SMARCAD1: variants seen among roughly 807,000 people sequenced by gnomAD.
SMARCAD1 encodes the protein SNF2 related chromatin remodeling ATPase with DExD box 1.
Under a neutral mutation model 127.1 loss-of-function variants are expected in SMARCAD1, and 25 were observed. That is an observed-to-expected ratio of 0.20 (90% confidence interval 0.14 to 0.27). The LOEUF is 0.27. Ranked by LOEUF, SMARCAD1 falls within the 10% of genes least tolerant of loss-of-function variation. SMARCAD1 has a pLI of 1.00. For synonymous variants in SMARCAD1, 400 were observed against 396.9 expected (o/e 1.01, Z -0.09); for missense variants, 807 against 1,206.0 (o/e 0.67, Z 4.90).
At chr4:94,282,259 G>A (rs1451164072) in intron 21 of SMARCAD1, among the ~76,000 whole-genome samples, 104 of 127,208 alleles carry the variant, frequency 8.2e-4, no homozygotes, top group South Asian at 1.4e-3. Flanking sequence ...ACCACGCCCG[G>A]CTAATTTTTT....
At chr4:94,275,860 G>A (rs1429421456) in intron 14 of SMARCAD1, among the ~76,000 whole-genome samples, 4 of 143,760 alleles carry the variant, frequency 2.8e-5, no homozygotes, top group African/African-American at 7.8e-5. Context: ...GCAGTGGCGC[G>A]ATCTCAGCTT....
intron 16 of SMARCAD1, 62 bp from the exon 17 acceptor site, chr4:94,278,360 T>C (rs1579334920): frequency 7.4e-7 from 1 of 1,356,070 alleles, no homozygotes; most frequent in East Asian, 2.3e-5. Context: ...TGTGTAATAA[T>C]ACTGTTATTG....
chr4:94,261,766 C>T (rs183350485), intron 9 of SMARCAD1, among the ~76,000 whole-genome samples: 8 of 152,182 alleles, frequency 5.3e-5, no homozygotes, highest in Middle Eastern at 3.4e-3. Context: ...CGTGCCACCA[C>T]ACCGGCTAAT....
intron 12 of SMARCAD1, 60 bp downstream of exon 12, chr4:94,273,776 A>T (rs1202367478): frequency 8.4e-6 from 11 of 1,316,768 alleles, no homozygotes; most frequent in Admixed American, 1.8e-5. Context: ...GGTAGAAGAG[A>T]GTGTGTGTAA....
At chr4:94,252,549 TA>T in intron 8 of SMARCAD1, 66 bp from the exon 9 acceptor site, 1 of 1,145,614 alleles carries the variant, frequency 8.7e-7, no homozygotes, top group Non-Finnish European at 1.2e-6. Flanking sequence ...TTTAAGTTTT[TA>T]TTTGAAGTCT....
intron 23 of SMARCAD1, among the ~76,000 whole-genome samples, chr4:94,287,892 C>T (rs1755171803): frequency 6.6e-6 from 1 of 151,892 alleles, no homozygotes; most frequent in African/African-American, 2.4e-5. Flanking sequence ...GTGGTTCATG[C>T]TTATAATGCC....
rs2664891 is a variant in SMARCAD1 at position 94,233,988 on chromosome 4, C to T, written c.403C>T (p.Leu135Phe). The T allele has an allele frequency of 1.1e-5, 18 of 1,613,730 alleles. No individual in the cohort carries two copies. In the African/African-American group the frequency reaches 2.1e-4, roughly 19 times the overall value. Residue 135 changes from leucine to phenylalanine, a missense_variant, in exon 4 of 24, where the codon CTT (leucine) becomes TTT (phenylalanine). By Grantham distance (22) the Leu-to-Phe change is conservative. This residue lies in a region of SMARCAD1 where 175 missense variants were observed against 169.5 expected (regional missense o/e 1.03). Coordinates refer to ENST00000354268, the MANE Select transcript of SMARCAD1 (RefSeq NM_020159.5). ...ATCTGAAGATGAAGAGTCCCAAGGC[C>T]TTCCTACCATGGCACGTAGAAATGA... is the stretch of plus-strand genomic sequence containing the variant. ...EPSEDEESQG[L>F]PTMARRNDDI... is the part of the protein sequence containing the mutation.
intron 22 of SMARCAD1, among the ~76,000 whole-genome samples, chr4:94,283,757 A>C (rs568482298): frequency 1.3e-5 from 2 of 151,498 alleles, no homozygotes; most frequent in African/African-American, 4.9e-5. Flanking sequence ...CCTGGGAGGC[A>C]GAGCTTGCAG....
chr4:94,215,494 A>T (rs577675293), intron 2 of SMARCAD1, among the ~76,000 whole-genome samples: 1 of 151,970 alleles, frequency 6.6e-6, no homozygotes, highest in African/African-American at 2.4e-5. Flanking sequence ...GGTGGTGTGC[A>T]CCTGTAGTCC....
At chr4:94,282,598 A>C (rs1490961602) in intron 21 of SMARCAD1, among the ~76,000 whole-genome samples, 1 of 152,042 alleles carries the variant, frequency 6.6e-6, no homozygotes, top group Non-Finnish European at 1.5e-5. Flanking sequence ...TAAGGACGGA[A>C]TTGTGTAGTA....
chr4:94,216,515 G>C (rs946523358), intron 2 of SMARCAD1, among the ~76,000 whole-genome samples: 3 of 152,060 alleles, frequency 2.0e-5, no homozygotes, highest in Admixed American at 6.6e-5. Flanking sequence ...GTACAGTTCA[G>C]TACATTCAGT....
intron 2 of SMARCAD1, among the ~76,000 whole-genome samples, chr4:94,222,790 C>T (rs1579040354): frequency 6.6e-6 from 1 of 151,930 alleles, no homozygotes; most frequent in African/African-American, 2.4e-5. Context: ...TGGTGAAACC[C>T]AGTCTCTACA....
At chr4:94,243,102 G>A (rs1251516819) in intron 6 of SMARCAD1, among the ~76,000 whole-genome samples, 2 of 152,172 alleles carry the variant, frequency 1.3e-5, no homozygotes, top group Non-Finnish European at 2.9e-5. Flanking sequence ...GATTACAGGC[G>A]TGTGCCACCA....
intron 2 of SMARCAD1, among the ~76,000 whole-genome samples, chr4:94,222,386 C>T (rs143165980): frequency 8.5e-4 from 130 of 152,180 alleles, no homozygotes; most frequent in African/African-American, 2.9e-3. Flanking sequence ...TTAAAGAGTA[C>T]GAAGGGGTTC....
At chr4:94,261,599 T>C (rs1750992137) in intron 9 of SMARCAD1, among the ~76,000 whole-genome samples, 1 of 152,178 alleles carries the variant, frequency 6.6e-6, no homozygotes, top group Non-Finnish European at 1.5e-5. Context: ...TCATTATAAT[T>C]GGTGAAAGAT....
rs891023067 is a variant in SMARCAD1 at position 94,233,882 on chromosome 4, CAT to C, written c.369-70_369-69del. The C allele has an allele frequency of 4.8e-5, 71 of 1,469,488 alleles. 1 individual carries two copies. The African/African-American group carries it at 6.6e-4, about 14-fold the overall frequency. 91.0% of individuals were successfully genotyped at this position (1,469,488 alleles called of 1,614,324 possible). On this transcript the variant is annotated intron_variant, in intron 3 of 23. Coordinates refer to ENST00000354268, the MANE Select transcript of SMARCAD1 (RefSeq NM_020159.5). ...GCAGATGTGTTGTACTATGTATACA[CAT>C]AGACACTATAATGAAATAACATTAG...
chr4:94,220,618 A>G (rs902902200), intron 2 of SMARCAD1, among the ~76,000 whole-genome samples: 5 of 152,344 alleles, frequency 3.3e-5, no homozygotes, highest in Non-Finnish European at 7.3e-5. Flanking sequence ...GGTGTCTACA[A>G]GATCAAAACT....
intron 22 of SMARCAD1, among the ~76,000 whole-genome samples, chr4:94,284,043 C>T (rs904732236): frequency 7.9e-5 from 12 of 151,688 alleles, no homozygotes; most frequent in Admixed American, 6.6e-4. Flanking sequence ...TGAAGATAGC[C>T]GGGCACGGTG....
chr4:94,257,755 T>C (rs1197973612), intron 9 of SMARCAD1, among the ~76,000 whole-genome samples: 3 of 152,188 alleles, frequency 2.0e-5, no homozygotes, highest in Non-Finnish European at 4.4e-5. Context: ...CTTTCATGAC[T>C]TTTTGTCTCA....
Sources: gnomAD v4.1 joint callset for allele counts (sites outside exome capture counted in the v4.1 genomes callset) on GRCh38, gnomAD v4.1.1 for gene constraint, gnomAD v4.1.1 regional missense constraint, MANE v1.5 for transcripts, NCBI Gene and HGNC (gene_info 2026-07-23, HGNC 2026-07-21) for gene names.